The following SNAP91 variants were observed in gnomAD, a reference collection of about 807,000 sequenced individuals.
SNAP91 encodes the protein synaptosome associated protein 91, also known as clathrin coat assembly protein AP180.
In SNAP91, 27 loss-of-function variants were observed where a neutral mutation model predicts 100.3. That is an observed-to-expected ratio of 0.27 (90% CI 0.20 to 0.37). The LOEUF is 0.37. Ranked by LOEUF, SNAP91 falls within the 10% of genes least tolerant of loss-of-function variation. The pLI, the probability that SNAP91 is intolerant of heterozygous loss-of-function variation, is 1.00. For missense variants in SNAP91, 986 were observed against 1,123.7 expected (o/e 0.88, Z 1.75); for synonymous variants, 404 against 398.6 (o/e 1.01, Z -0.16).
At chr6:83,661,304 T>C (rs2098539408) in intron 5 of SNAP91, among the ~76,000 whole-genome samples, 198 bp downstream of exon 5, 1 of 152,248 alleles carries the variant, frequency 6.6e-6, no homozygotes, top group South Asian at 2.1e-4. Flanking sequence ...CAGATTTTTC[T>C]GCATGAAGAT....
chr6:83,609,842 T>C (rs1040036708), intron 12 of SNAP91, among the ~76,000 whole-genome samples: 1 of 152,198 alleles, frequency 6.6e-6, no homozygotes, highest in Non-Finnish European at 1.5e-5. Flanking sequence ...ACCTACCTCA[T>C]ACGACTCTGA....
At chr6:83,572,084 C>T (rs902640858) in intron 26 of SNAP91, among the ~76,000 whole-genome samples, 2 of 152,142 alleles carry the variant, frequency 1.3e-5, no homozygotes, top group Non-Finnish European at 2.9e-5. Flanking sequence ...TTGTAAATTG[C>T]CCAGTCTCGG....
At chr6:83,683,037 C>A (rs118097773) in intron 2 of SNAP91, among the ~76,000 whole-genome samples, 1,796 of 152,174 alleles carry the variant, frequency 0.012, 14 homozygotes, top group Middle Eastern at 0.024. Flanking sequence ...CTCTAAAATG[C>A]CAAAACCAAT....
chr6:83,682,169 A>C (rs1587317167), intron 2 of SNAP91, among the ~76,000 whole-genome samples: 1 of 127,188 alleles, frequency 7.9e-6, no homozygotes, highest in Non-Finnish European at 1.6e-5. Flanking sequence ...TTATTCTTTA[A>C]TTCTTTTTTT....
intron 2 of SNAP91, among the ~76,000 whole-genome samples, chr6:83,680,230 C>T (rs2098969550): frequency 6.6e-6 from 1 of 152,028 alleles, no homozygotes; most frequent in Non-Finnish European, 1.5e-5. Flanking sequence ...AAAATGTTAC[C>T]CAACTCAGTA....
chr6:83,633,881 G>A (rs1038171091), intron 8 of SNAP91, among the ~76,000 whole-genome samples: 2 of 150,890 alleles, frequency 1.3e-5, no homozygotes, highest in Admixed American at 6.6e-5. Context: ...ACCCTCCCCC[G>A]AGTTCTGGCC....
intron 2 of SNAP91, among the ~76,000 whole-genome samples, chr6:83,688,075 G>A (rs1235418500): frequency 6.6e-6 from 1 of 152,078 alleles, no homozygotes; most frequent in Non-Finnish European, 1.5e-5. Flanking sequence ...TTAAAATATA[G>A]GTTTCTCTGG....
At chr6:83,650,322 A>G (rs217316) in intron 7 of SNAP91, among the ~76,000 whole-genome samples, 126,768 of 152,214 alleles carry the variant, frequency 0.83, 53,216 homozygotes, top group East Asian at 0.96. Flanking sequence ...TTGAAGCAGA[A>G]GGCTAGGAGA....
rs994644497 is a variant in SNAP91, at chr6:83,688,715, G to A, written c.130+19083C>T. On this transcript the variant is annotated intron_variant, in intron 2 of 29. Transcript: ENST00000369694. Reference sequence around the variant, plus strand: ...AGACGGGGTTTCACCATGTTGGCCAGGATGGCTTTGATCTCTTGACCTTGT... The same window carrying A: ...AGACGGGGTTTCACCATGTTGGCCAAGATGGCTTTGATCTCTTGACCTTGT... 3.3e-5 allele frequency among the ~76,000 whole-genome samples: 5 copies of A among 152,034 alleles called. No homozygotes were observed. The East Asian group carries it at 7.7e-4, about 23-fold the overall frequency.
At chr6:83,654,689 T>C (rs1422456273) in intron 7 of SNAP91, among the ~76,000 whole-genome samples, 1 of 152,208 alleles carries the variant, frequency 6.6e-6, no homozygotes, top group African/African-American at 2.4e-5. Context: ...TCTGCAAAGA[T>C]ACGGGGGTAG....
Position 83,592,526 on chromosome 6 carries a change from G to A in SNAP91, c.1859C>T (p.Ala620Val), listed in dbSNP as rs2093910058. 3.1e-6 allele frequency: 5 copies of A among 1,608,140 alleles called. No homozygotes were observed. In the South Asian group the frequency reaches 4.5e-5, roughly 14 times the overall value. Reference protein sequence around the residue: ...TADLLSVDAFAAPSPATTASP... With the variant: ...TADLLSVDAFVAPSPATTASP... ...GGCAGTGGTTGCAGGAGATGGTGCT[G>A]CAAATGCATCCACTGCAGTGAAGCA... The change falls in exon 21 of 30, where the codon GCA (alanine) becomes GTA (valine). Residue 620 changes from alanine (A) to valine (V), a missense_variant. Ala to Val is a moderately conservative substitution (Grantham distance 64, BLOSUM62 0). Transcript: ENST00000369694.
intron 22 of SNAP91, among the ~76,000 whole-genome samples, chr6:83,584,883 G>GA (rs1425059495): frequency 3.9e-5 from 6 of 152,072 alleles, no homozygotes; most frequent in Non-Finnish European, 7.4e-5. Context: ...CTCACATCCA[G>GA]AAAAAATGCT....
Position 83,678,771 on chromosome 6 carries a change from G to A in SNAP91, c.131-13190C>T, listed in dbSNP as rs74570156. 3.5e-4 allele frequency: 445 copies of A among 1,289,272 alleles called. 1 individual carries two copies. Among genetic ancestry groups the A allele is most frequent in the Non-Finnish European group, 4.4e-4 (431 of 988,666 alleles). The allele number at this position is 1,289,272 out of a possible 1,614,324, so 79.9% of individuals were successfully genotyped here. A position where few individuals can be genotyped will look rare whatever the true frequency, so the allele number is the denominator to read the frequency against. The stretch of plus-strand genomic sequence containing the variant: ...ATCCCACCTCTTTGGCCTTACCAAA[G>A]CCTTACTGTTATTATTCTTGAACGC... On this transcript the variant is annotated intron_variant, in intron 2 of 29. Transcript: ENST00000369694.
intron 7 of SNAP91, among the ~76,000 whole-genome samples, chr6:83,655,273 T>G (rs1488293730): frequency 6.6e-6 from 1 of 152,218 alleles, no homozygotes; most frequent in African/African-American, 2.4e-5. Context: ...GCTAAGCTGC[T>G]TTGGTGGCAA....
chr6:83,644,929 C>T (rs541197369), intron 7 of SNAP91, among the ~76,000 whole-genome samples: 5 of 152,204 alleles, frequency 3.3e-5, no homozygotes, highest in African/African-American at 4.8e-5. Flanking sequence ...TAGGTGAATA[C>T]GCCAAAATAT....
At chr6:83,642,243 G>T (rs187781454) in intron 7 of SNAP91, among the ~76,000 whole-genome samples, 5 of 152,034 alleles carry the variant, frequency 3.3e-5, no homozygotes, top group Non-Finnish European at 7.4e-5. Flanking sequence ...ACAACGTGCA[G>T]GTTTGTTACA....
chr6:83,573,020 G>C (rs189846886), intron 26 of SNAP91, among the ~76,000 whole-genome samples: 3 of 152,286 alleles, frequency 2.0e-5, no homozygotes, highest in African/African-American at 7.2e-5. Flanking sequence ...AGTGCTACTT[G>C]CACAAGAGAG....
chr6:83,585,850 TTTC>T (rs1372029003), intron 22 of SNAP91, among the ~76,000 whole-genome samples: 4 of 150,236 alleles, frequency 2.7e-5, no homozygotes, highest in African/African-American at 9.9e-5. Flanking sequence ...TTTTTTTTTC[TTTC>T]TTTTTTTTTT....
At chr6:83,579,878 T>C (rs1249700512) in intron 24 of SNAP91, among the ~76,000 whole-genome samples, 1 of 152,196 alleles carries the variant, frequency 6.6e-6, no homozygotes, top group Non-Finnish European at 1.5e-5. Context: ...CCTTTGTCTG[T>C]TCTGTTTTTT....
Sources: allele counts gnomAD v4.1 joint callset (sites outside exome capture counted in the v4.1 genomes callset), GRCh38; gene constraint gnomAD v4.1.1; transcripts MANE v1.5; gene names NCBI Gene and HGNC (gene_info 2026-07-23, HGNC 2026-07-21).